GPR139: variants seen among roughly 807,000 people sequenced by gnomAD.
GPR139 encodes the protein G protein-coupled receptor 139, also known as probable G protein-coupled receptor 139.
A neutral mutation model predicts 25.8 loss-of-function variants in GPR139; 12 were observed. The observed-to-expected ratio is 0.47, with a 90% confidence interval of 0.30 to 0.75. The LOEUF is 0.75. Among genes scored for constraint, GPR139 ranks in the 30% least tolerant of loss-of-function variants. The pLI, the probability that GPR139 is intolerant of heterozygous loss-of-function variation, is 0.07. For synonymous variants in GPR139, 184 were observed against 179.9 expected (o/e 1.02, Z -0.18); for missense variants, 380 against 450.2 (o/e 0.84, Z 1.41).
In GPR139 at chr16:20,057,868, T is replaced by G. The variant is rs563905533; in HGVS notation, c.127+15622A>C. Among the ~76,000 whole-genome samples, 42 of 152,330 alleles carry G rather than the reference T, an allele frequency of 2.8e-4. No homozygotes were observed. In the South Asian group the frequency reaches 8.3e-3, roughly 30 times the overall value. On this transcript the variant is annotated intron_variant, in intron 1 of 1. Coordinates refer to ENST00000570682, the MANE Select transcript of GPR139 (RefSeq NM_001002911.4). The stretch of plus-strand genomic sequence containing the variant: ...TAGAACTAGTCTAATTTTATTATGA[T>G]GATCAATTTTCCTTTCTACCTAACT...
At chr16:20,059,923 G>T (rs928229339) in intron 1 of GPR139, among the ~76,000 whole-genome samples, 2 of 152,206 alleles carry the variant, frequency 1.3e-5, no homozygotes, top group Non-Finnish European at 2.9e-5. Flanking sequence ...GGAAGAAGGG[G>T]TGTTCTGGAA....
intron 1 of GPR139, among the ~76,000 whole-genome samples, chr16:20,050,853 G>A (rs886235359): frequency 6.6e-6 from 1 of 152,034 alleles, no homozygotes; most frequent in African/African-American, 2.4e-5. Flanking sequence ...CTTGAGTCCA[G>A]GAGTTCAAGA....
rs533830782 is a variant in GPR139, at chr16:20,031,376, T to C, written c.*359A>G. 1 of 257,048 alleles carries C rather than the reference T, an allele frequency of 3.9e-6. No individual in the cohort carries two copies. Among genetic ancestry groups the C allele is most frequent in the East Asian group, 8.9e-5 (1 of 11,294 alleles). 15.9% of individuals were successfully genotyped at this position (257,048 alleles called of 1,614,324 possible). ...TGCTACTGGGGCTTGGTAAGTCCCA[T>C]AAATGAAGGGTTCCCAGTGACTGTG... On this transcript the variant is annotated 3_prime_UTR_variant, in exon 2 of 2. Coordinates refer to ENST00000570682, the MANE Select transcript of GPR139 (RefSeq NM_001002911.4).
At chr16:20,070,395 G>C (rs1250825551) in intron 1 of GPR139, among the ~76,000 whole-genome samples, 1 of 152,238 alleles carries the variant, frequency 6.6e-6, no homozygotes, top group Non-Finnish European at 1.5e-5. Context: ...GTGTGGGTAA[G>C]AGGTACTACT....
rs2057281642 is a variant in GPR139, at chr16:20,029,984, T to C, written c.*1751A>G. Among the ~76,000 whole-genome samples, 1 of 152,160 alleles carries C rather than the reference T, an allele frequency of 6.6e-6. No homozygotes were observed. The highest frequency in any genetic ancestry group is 6.5e-5 in the Admixed American group (1 of 15,280). On this transcript the variant is annotated 3_prime_UTR_variant, in exon 2 of 2. Transcript: ENST00000570682. ...AAAGGTAACTTTGGCTCTGTAAGGT[T>C]TTATCTTTTGCACTGACTTTAGAAT...
At chr16:20,071,168 T>G (rs776130973) in intron 1 of GPR139, 1 of 186,890 alleles carries the variant, frequency 5.4e-6, no homozygotes, top group Non-Finnish European at 1.0e-5. Context: ...TTTACTGCTG[T>G]GGAAACTGAG....
chr16:20,058,854 T>A (rs904364707), intron 1 of GPR139, among the ~76,000 whole-genome samples: 6 of 152,168 alleles, frequency 3.9e-5, no homozygotes, highest in African/African-American at 1.4e-4. Flanking sequence ...GACAGCTAGG[T>A]CATTAGCAGG....
chr16:20,049,348 TG>T (rs1196057191), intron 1 of GPR139, among the ~76,000 whole-genome samples: 1 of 152,210 alleles, frequency 6.6e-6, no homozygotes, highest in Non-Finnish European at 1.5e-5. Flanking sequence ...CCCTTTCCTC[TG>T]CTTTTTTCTC....
chr16:20,061,886 T>C (rs964445325), intron 1 of GPR139, among the ~76,000 whole-genome samples: 1 of 152,192 alleles, frequency 6.6e-6, no homozygotes, highest in Non-Finnish European at 1.5e-5. Flanking sequence ...TCCCAGAGAT[T>C]TGGGGTCAAG....
intron 1 of GPR139, among the ~76,000 whole-genome samples, chr16:20,041,143 G>GAAA (rs2057329808): frequency 2.6e-3 from 1 of 382 alleles, no homozygotes; most frequent in Non-Finnish European, 0.01. Context: ...GAGGAGAGGA[G>GAAA]AGGAGACGAG....
intron 1 of GPR139, among the ~76,000 whole-genome samples, chr16:20,062,141 A>G (rs1304645896): frequency 6.6e-6 from 1 of 152,220 alleles, no homozygotes; most frequent in Non-Finnish European, 1.5e-5. Context: ...TTGTATTAGA[A>G]CAGTGTTCCC....
In GPR139 at chr16:20,043,122, T is replaced by A. The variant is rs116759651; in HGVS notation, c.128-10453A>T. On this transcript the variant is annotated intron_variant, in intron 1 of 1. Transcript: ENST00000570682. ...AGTAGGCAGCAAGAGATAAGATGGC[T>A]GCTATTCCAGGACAGTCTGACTCAG... is the stretch of plus-strand genomic sequence containing the variant. 4.7e-3 allele frequency among the ~76,000 whole-genome samples: 709 copies of A among 152,330 alleles called. 7 individuals are homozygous for A. Among genetic ancestry groups the A allele is most frequent in the African/African-American group, 0.016 (684 of 41,568 alleles).
chr16:20,052,288 A>G (rs2141209123), intron 1 of GPR139, among the ~76,000 whole-genome samples: 2 of 152,308 alleles, frequency 1.3e-5, no homozygotes, highest in Admixed American at 1.3e-4. Context: ...CTATGACAAA[A>G]CACACTAACT....
chr16:20,072,471 T>C (rs554380451), intron 1 of GPR139, among the ~76,000 whole-genome samples: 2 of 152,270 alleles, frequency 1.3e-5, no homozygotes, highest in African/African-American at 4.8e-5. Flanking sequence ...ATTTTTTTTC[T>C]CTCTTTCTCT....
intron 1 of GPR139, among the ~76,000 whole-genome samples, chr16:20,034,719 A>T (rs909148415): frequency 1.3e-5 from 2 of 152,122 alleles, no homozygotes; most frequent in African/African-American, 4.8e-5. Flanking sequence ...GCTTTCTTTT[A>T]TACTGAAACT....
At chr16:20,069,973 A>G (rs1036877258) in intron 1 of GPR139, among the ~76,000 whole-genome samples, 1 of 152,206 alleles carries the variant, frequency 6.6e-6, no homozygotes, top group Admixed American at 6.5e-5. Context: ...AAAGGGGGAA[A>G]GAGATGGAGT....
At chr16:20,048,228 T>C (rs1425922505) in intron 1 of GPR139, among the ~76,000 whole-genome samples, 2 of 152,152 alleles carry the variant, frequency 1.3e-5, no homozygotes, top group Non-Finnish European at 2.9e-5. Flanking sequence ...TCCAGGGTAA[T>C]TGGAAATTAA....
intron 1 of GPR139, among the ~76,000 whole-genome samples, chr16:20,066,551 G>T (rs1479303684): frequency 6.6e-6 from 1 of 152,198 alleles, no homozygotes; most frequent in Non-Finnish European, 1.5e-5. Flanking sequence ...TCATGGAAAA[G>T]ACCTATGCAC....
chr16:20,031,267 G>A lies in GPR139; in HGVS notation c.*468C>T, dbSNP rs1207574195. On this transcript the variant is annotated 3_prime_UTR_variant, in exon 2 of 2. Coordinates refer to ENST00000570682, the MANE Select transcript of GPR139 (RefSeq NM_001002911.4). ...GCACCTTGAAAAAAATCCTGAAATAGTCATTATTGTTAGCTCCTGGGAACA... is the reference window on the plus strand; with the variant it reads ...GCACCTTGAAAAAAATCCTGAAATAATCATTATTGTTAGCTCCTGGGAACA... 6.6e-6 allele frequency among the ~76,000 whole-genome samples: 1 copy of A among 152,082 alleles called. No individual in the cohort carries two copies. Among genetic ancestry groups the A allele is most frequent in the Non-Finnish European group, 1.5e-5 (1 of 68,034 alleles).
Sources: allele counts gnomAD v4.1 joint callset (sites outside exome capture counted in the v4.1 genomes callset), GRCh38; gene constraint gnomAD v4.1.1; transcripts MANE v1.5; gene names NCBI Gene and HGNC (gene_info 2026-07-23, HGNC 2026-07-21).